Variants in MTO1 observed in about 807,000 individuals in gnomAD.
The protein encoded by MTO1 is 5-taurinomethyluridine-[tRNA] synthase subunit MTO1, mitochondrial.
A neutral mutation model predicts 71.6 loss-of-function variants in MTO1; 46 were observed. That is an observed-to-expected ratio of 0.64 (90% confidence interval 0.51 to 0.82). MTO1 has a LOEUF of 0.82. Among genes scored for constraint, MTO1 ranks in the 40% least tolerant of loss-of-function variants. The probability of loss-of-function intolerance (pLI) is 0.00; values close to 1 mark genes in which losing one functional copy is unlikely to be tolerated. For synonymous variants in MTO1, 297 were observed against 312.1 expected (o/e 0.95, Z 0.51); for missense variants, 773 against 867.5 (o/e 0.89, Z 1.37).
intron 11 of MTO1, 135 bp from the exon 12 acceptor site, chr6:73,500,434 ATATGT>A (rs1772124892): frequency 3.2e-6 from 2 of 627,030 alleles, no homozygotes; most frequent in South Asian, 5.9e-5. Context: ...TTACAAGGAA[ATATGT>A]TAAGATAATA....
intron 11 of MTO1, among the ~76,000 whole-genome samples, chr6:73,499,521 CAAAA>C (rs200492522): frequency 2.8e-5 from 3 of 108,850 alleles, no homozygotes; most frequent in Non-Finnish European, 5.9e-5. Context: ...AACCCTGTCT[CAAAA>C]AAAAAAAAAA....
At chr6:73,474,273 CAG>C (rs1771244144) in intron 4 of MTO1, among the ~76,000 whole-genome samples, 1 of 150,176 alleles carries the variant, frequency 6.7e-6, no homozygotes, top group Non-Finnish European at 1.5e-5. Context: ...TTAATAGAGA[CAG>C]TGTTTCACCA....
At chr6:73,484,964 T>A (rs1055727791) in intron 9 of MTO1, among the ~76,000 whole-genome samples, 1 of 151,686 alleles carries the variant, frequency 6.6e-6, no homozygotes, top group Non-Finnish European at 1.5e-5. Flanking sequence ...GGAGAATCAC[T>A]TGAACCTAGA....
chr6:73,487,893 A>C (rs1771700328), intron 9 of MTO1: 1 of 151,440 alleles, frequency 6.6e-6, no homozygotes, highest in Non-Finnish European at 1.5e-5. Flanking sequence ...TTCTAATTTT[A>C]ATTTTTTGAG....
rs920431894 is a variant in MTO1 at position 73,496,562 on chromosome 6, C to G, written c.1757-1174C>G. ...GGTTAGTTACATATGTATACATGTG[C>G]CATGCTGGTGTGCTGCACCCATTAA... is the stretch of plus-strand genomic sequence containing the variant. On this transcript the variant is annotated intron_variant, in intron 10 of 11. Transcript: ENST00000498286. 3.3e-5 allele frequency among the ~76,000 whole-genome samples: 5 copies of G among 150,938 alleles called. No individual in the cohort carries two copies. The South Asian group carries it at 6.3e-4, about 19-fold the overall frequency.
At chr6:73,476,215 A>C (rs1014887976) in intron 4 of MTO1, among the ~76,000 whole-genome samples, 2 of 151,522 alleles carry the variant, frequency 1.3e-5, no homozygotes, top group African/African-American at 2.4e-5. Flanking sequence ...ATAAAAAAAA[A>C]ATAAAAAAAT....
In MTO1 at chr6:73,479,736, A is replaced by G. The variant is rs368675393; in HGVS notation, c.830A>G (p.Glu277Gly). ...FTNETVWIKP[E>G]DQLPCYLTHT... Reference sequence around the variant, plus strand: ...CATCTGGTTACTGTTTTTTAGCCAGAAGATCAGCTGCCATGTTACTTGACT... The same window carrying G: ...CATCTGGTTACTGTTTTTTAGCCAGGAGATCAGCTGCCATGTTACTTGACT... The change falls in exon 5 of 12, where the codon GAA (glutamate) becomes GGA (glycine). Residue 277 changes from glutamate to glycine, a missense_variant. Transcript: ENST00000498286. The G allele has an allele frequency of 8.7e-6, 14 of 1,609,292 alleles. No individual in the cohort carries two copies. Among genetic ancestry groups the G allele is most frequent in the Non-Finnish European group, 1.2e-5 (14 of 1,178,056 alleles).
chr6:73,490,248 A>G (rs1771768153), intron 9 of MTO1, among the ~76,000 whole-genome samples: 1 of 151,912 alleles, frequency 6.6e-6, no homozygotes, highest in African/African-American at 2.4e-5. Flanking sequence ...TTGCCTGTTC[A>G]CTCTGATGGT....
chr6:73,481,191 T>G (rs904624110), intron 7 of MTO1: 13 of 208,628 alleles, frequency 6.2e-5, no homozygotes. Flanking sequence ...TGACCTCAGG[T>G]GATCCACCTG....
intron 1 of MTO1, 116 bp from the exon 2 acceptor site, chr6:73,466,093 T>C (rs1191179188): frequency 9.9e-7 from 1 of 1,007,392 alleles, no homozygotes; most frequent in Non-Finnish European, 1.5e-6. Context: ...CTTTCACGTT[T>C]TCTATTTTTT....
intron 4 of MTO1, among the ~76,000 whole-genome samples, chr6:73,478,402 A>G (rs921005585): frequency 6.6e-6 from 1 of 151,688 alleles, no homozygotes; most frequent in African/African-American, 2.4e-5. Flanking sequence ...CAACATAATG[A>G]GACCCTGCCT....
At chr6:73,481,474 A>G (rs934743204) in intron 7 of MTO1, among the ~76,000 whole-genome samples, 3 of 152,112 alleles carry the variant, frequency 2.0e-5, no homozygotes, top group Non-Finnish European at 2.9e-5. Context: ...GTTTTAAAAA[A>G]AAGATTAACC....
chr6:73,482,573 A>G lies in MTO1; in HGVS notation c.1590A>G (p.Lys530=), dbSNP rs1394422755. 6.2e-7 allele frequency: 1 copy of G among 1,611,728 alleles called. No individual in the cohort carries two copies. The highest frequency in any genetic ancestry group is 8.5e-7 in the Non-Finnish European group (1 of 1,179,836). The change falls in exon 9 of 12, where the codon AAA becomes AAG. Residue 530 remains lysine, a synonymous_variant. Transcript: ENST00000498286. ...SIEFLSSKWK[K]LIPEASISTS... ...AGTTTTTGAGCTCTAAATGGAAAAAATTAATCCCAGAGGCTTCTATAAGTA... is the reference window on the plus strand; with the variant it reads ...AGTTTTTGAGCTCTAAATGGAAAAAGTTAATCCCAGAGGCTTCTATAAGTA...
chr6:73,465,434 G>A (rs1298498437), intron 1 of MTO1, among the ~76,000 whole-genome samples: 1 of 151,930 alleles, frequency 6.6e-6, no homozygotes, highest in Non-Finnish European at 1.5e-5. Flanking sequence ...AAAGTGCTAG[G>A]ATTACAGGCG....
chr6:73,497,009 G>A (rs1387894324), intron 10 of MTO1, among the ~76,000 whole-genome samples: 2 of 151,290 alleles, frequency 1.3e-5, no homozygotes, highest in African/African-American at 4.9e-5. Flanking sequence ...AGCCGAGATC[G>A]CGCCACTGCA....
chr6:73,476,873 C>T (rs1318734678), intron 4 of MTO1, among the ~76,000 whole-genome samples: 6 of 151,460 alleles, frequency 4.0e-5, no homozygotes, highest in South Asian at 2.1e-4. Flanking sequence ...ACTGCAATCT[C>T]GCCTTCTGAG....
At chr6:73,491,423 G>T (rs766883176) in intron 9 of MTO1, among the ~76,000 whole-genome samples, 8 of 150,040 alleles carry the variant, frequency 5.3e-5, no homozygotes, top group Non-Finnish European at 1.0e-4. Context: ...AGAAGAAGAA[G>T]AAAAAGACTT....
chr6:73,470,033 T>C (rs1398491940), intron 3 of MTO1, among the ~76,000 whole-genome samples: 1 of 152,038 alleles, frequency 6.6e-6, no homozygotes, highest in Non-Finnish European at 1.5e-5. Flanking sequence ...AACCAGCCTT[T>C]TGGTTTGGTG....
At chr6:73,499,188 A>G (rs1167619709) in intron 11 of MTO1, among the ~76,000 whole-genome samples, 2 of 152,176 alleles carry the variant, frequency 1.3e-5, no homozygotes, top group African/African-American at 4.8e-5. Context: ...TTTCATTAAT[A>G]TAAGATGGTA....
Sources: allele counts gnomAD v4.1 joint callset (sites outside exome capture counted in the v4.1 genomes callset), GRCh38; gene constraint gnomAD v4.1.1; transcripts MANE v1.5; gene names NCBI Gene and HGNC (gene_info 2026-07-23, HGNC 2026-07-21).